The following LRRC3B variants were observed in gnomAD, a reference collection of about 807,000 sequenced individuals.
The protein encoded by LRRC3B is leucine-rich repeat-containing protein 3B.
In LRRC3B, 2 loss-of-function variants were observed where a neutral mutation model predicts 12.8. The observed-to-expected ratio is 0.16, with a 90% confidence interval of 0.06 to 0.49. The LOEUF (loss-of-function observed/expected upper bound fraction) is 0.49, where lower values mean the gene tolerates loss of function less well. Ranked by LOEUF, LRRC3B falls within the 20% of genes least tolerant of loss-of-function variation. The probability of loss-of-function intolerance (pLI) is 0.96; values close to 1 mark genes in which losing one functional copy is unlikely to be tolerated. For synonymous variants in LRRC3B, 132 were observed against 122.0 expected, an observed-to-expected ratio of 1.08 and a Z score of -0.54; for missense variants, 189 against 319.4, an observed-to-expected ratio of 0.59 and a Z score of 3.11.
chr3:26,647,080 C>T (rs1050255856), intron 1 of LRRC3B, among the ~76,000 whole-genome samples: 1 of 152,110 alleles, frequency 6.6e-6, no homozygotes, highest in African/African-American at 2.4e-5. Flanking sequence ...ATACCAAGAA[C>T]CTTCCTGTTT....
At chr3:26,686,015 G>A (rs952054525) in intron 1 of LRRC3B, among the ~76,000 whole-genome samples, 9 of 152,152 alleles carry the variant, frequency 5.9e-5, no homozygotes, top group Admixed American at 2.0e-4. Context: ...TAATAGACTC[G>A]GCCGTGGTAT....
At chr3:26,628,205 G>A (rs1698671368) in intron 1 of LRRC3B, among the ~76,000 whole-genome samples, 1 of 152,026 alleles carries the variant, frequency 6.6e-6, no homozygotes, top group African/African-American at 2.4e-5. Flanking sequence ...TTATTATTAA[G>A]CAATATGCTC....
At chr3:26,677,751 C>T (rs1006513635) in intron 1 of LRRC3B, among the ~76,000 whole-genome samples, 1 of 152,050 alleles carries the variant, frequency 6.6e-6, no homozygotes, top group Non-Finnish European at 1.5e-5. Context: ...AAATTGATCA[C>T]CAATATGATA....
At chr3:26,625,753 A>C (rs1471486795) in intron 1 of LRRC3B, among the ~76,000 whole-genome samples, 1 of 152,196 alleles carries the variant, frequency 6.6e-6, no homozygotes, top group Non-Finnish European at 1.5e-5. Flanking sequence ...TGTAACAATC[A>C]GTGCTAGCTA....
chr3:26,640,043 A>G (rs1331867152), intron 1 of LRRC3B, among the ~76,000 whole-genome samples: 1 of 152,176 alleles, frequency 6.6e-6, no homozygotes, highest in Non-Finnish European at 1.5e-5. Context: ...CCTTGCTCCA[A>G]GCCCCACAAG....
At chr3:26,689,943 A>G (rs559578450) in intron 1 of LRRC3B, among the ~76,000 whole-genome samples, 1 of 152,318 alleles carries the variant, frequency 6.6e-6, no homozygotes, top group South Asian at 2.1e-4. Flanking sequence ...GGAAATGCTC[A>G]GGGTGGATTG....
intron 1 of LRRC3B, among the ~76,000 whole-genome samples, chr3:26,671,361 TATATATATATATAGAGAG>T (rs1244998929): frequency 2.0e-5 from 1 of 49,258 alleles, no homozygotes; most frequent in Non-Finnish European, 3.8e-5. Flanking sequence ...TATATATATA[TATATATATATATAGAGAG>T]AGAGAGAGAG....
intron 1 of LRRC3B, among the ~76,000 whole-genome samples, chr3:26,661,181 G>C (rs147964956): frequency 6.6e-6 from 1 of 152,130 alleles, no homozygotes; most frequent in Non-Finnish European, 1.5e-5. Flanking sequence ...TTTAGGGGAA[G>C]GTCTTGTTCA....
At chr3:26,662,940 G>C (rs1699523706) in intron 1 of LRRC3B, among the ~76,000 whole-genome samples, 1 of 152,070 alleles carries the variant, frequency 6.6e-6, no homozygotes, top group Non-Finnish European at 1.5e-5. Flanking sequence ...GGGATATGAG[G>C]GTTTGCAGCT....
chr3:26,665,319 TTTGC>T (rs1428391343), intron 1 of LRRC3B, among the ~76,000 whole-genome samples: 2 of 152,136 alleles, frequency 1.3e-5, no homozygotes, highest in African/African-American at 4.8e-5. Context: ...CAAACTTCAC[TTTGC>T]TTGATTGAAA....
intron 1 of LRRC3B, among the ~76,000 whole-genome samples, chr3:26,665,408 A>G (rs541382625): frequency 6.6e-6 from 1 of 152,220 alleles, no homozygotes; most frequent in Admixed American, 6.5e-5. Context: ...TCTGCTATAA[A>G]TACTTTCTGG....
At chr3:26,647,309 A>G (rs575619106) in intron 1 of LRRC3B, among the ~76,000 whole-genome samples, 39 of 152,104 alleles carry the variant, frequency 2.6e-4, no homozygotes, top group Non-Finnish European at 4.9e-4. Flanking sequence ...TGTTTTGTGC[A>G]TATTGTCAGC....
At chr3:26,707,095 G>A (rs1700610737) in intron 1 of LRRC3B, among the ~76,000 whole-genome samples, 1 of 151,662 alleles carries the variant, frequency 6.6e-6, no homozygotes, top group Non-Finnish European at 1.5e-5. Context: ...GCTCATACCT[G>A]TAATCCTAGC....
At chr3:26,694,523 A>T (rs1431586035) in intron 1 of LRRC3B, 1 of 152,180 alleles carries the variant, frequency 6.6e-6, no homozygotes, top group African/African-American at 2.4e-5. Flanking sequence ...AGCTAATAAT[A>T]TTTGCCAAGC....
At chr3:26,627,194 C>A (rs1457838228) in intron 1 of LRRC3B, among the ~76,000 whole-genome samples, 1 of 152,178 alleles carries the variant, frequency 6.6e-6, no homozygotes, top group Non-Finnish European at 1.5e-5. Flanking sequence ...TTTTGTGGGA[C>A]AAAGTTCTAG....
chr3:26,689,375 G>A (rs1030593777), intron 1 of LRRC3B, among the ~76,000 whole-genome samples: 1 of 152,180 alleles, frequency 6.6e-6, no homozygotes, highest in Admixed American at 6.5e-5. Flanking sequence ...GGGACACCAG[G>A]ACCAGTCCTG....
intron 1 of LRRC3B, among the ~76,000 whole-genome samples, chr3:26,626,132 G>A (rs1342613138): frequency 6.6e-6 from 1 of 152,182 alleles, no homozygotes; most frequent in Non-Finnish European, 1.5e-5. Flanking sequence ...AGAGTATTAG[G>A]GAGACTGATG....
At chr3:26,666,531 T>C (rs1381934088) in intron 1 of LRRC3B, among the ~76,000 whole-genome samples, 1 of 152,128 alleles carries the variant, frequency 6.6e-6, no homozygotes, top group Non-Finnish European at 1.5e-5. Context: ...TGCTTGGCAA[T>C]AGATACTGCT....
intron 1 of LRRC3B, among the ~76,000 whole-genome samples, chr3:26,644,762 A>T (rs918928829): frequency 1.3e-5 from 2 of 152,206 alleles, no homozygotes; most frequent in African/African-American, 2.4e-5. Flanking sequence ...CCAAAGTGTG[A>T]TAATTGCAGT....
Sources: allele counts gnomAD v4.1 joint callset (sites outside exome capture counted in the v4.1 genomes callset), GRCh38; gene constraint gnomAD v4.1.1; transcripts MANE v1.5; gene names NCBI Gene and HGNC (gene_info 2026-07-23, HGNC 2026-07-21).